PAX5: variants seen among roughly 807,000 people sequenced by gnomAD.
The protein encoded by PAX5 is paired box protein Pax-5.
A neutral mutation model predicts 43.7 loss-of-function variants in PAX5; 9 were observed. That is an observed-to-expected ratio of 0.21 (90% confidence interval 0.12 to 0.36). The LOEUF is 0.36. Among genes scored for constraint, PAX5 ranks in the 10% least tolerant of loss-of-function variants. PAX5 has a pLI of 1.00. For missense variants in PAX5, 383 were observed against 532.7 expected, an observed-to-expected ratio of 0.72 and a Z score of 2.77; for synonymous variants, 228 against 214.3, an observed-to-expected ratio of 1.06 and a Z score of -0.56.
rs575612887 is a variant in PAX5 at position 37,022,066 on chromosome 9, C to CA, written c.47-1266dup. On this transcript the variant is annotated intron_variant, in intron 1 of 9. Transcript: ENST00000358127. ...TGAACCTCATCTGAAATAAAGGGAG[C>CA]AAAAACCCCCATAATATAATGTATT... is the stretch of plus-strand genomic sequence containing the variant. Among the ~76,000 whole-genome samples the CA allele has an allele frequency of 2.4e-4, 36 of 152,220 alleles. 1 individual carries two copies. The South Asian group carries it at 7.3e-3, about 31-fold the overall frequency.
intron 4 of PAX5, 101 bp from the exon 5 acceptor site, chr9:37,002,877 G>C (rs911883844): frequency 7.2e-7 from 1 of 1,379,408 alleles, no homozygotes; most frequent in Admixed American, 2.3e-5. Context: ...GGGAGCGAGC[G>C]CAGGGTGGGC....
chr9:36,963,006 C>G (rs950527498), intron 6 of PAX5, among the ~76,000 whole-genome samples: 1 of 152,240 alleles, frequency 6.6e-6, no homozygotes, highest in South Asian at 2.1e-4. Context: ...CCCTTCCCAG[C>G]CTGCGGCCCC....
At chr9:36,956,077 C>T (rs1833451433) in intron 6 of PAX5, among the ~76,000 whole-genome samples, 1 of 151,914 alleles carries the variant, frequency 6.6e-6, no homozygotes, top group Admixed American at 6.6e-5. Flanking sequence ...TTTTGAATTG[C>T]AAATATTGGA....
At chr9:36,850,045 C>A (rs1338803897) in intron 8 of PAX5, among the ~76,000 whole-genome samples, 2 of 152,186 alleles carry the variant, frequency 1.3e-5, no homozygotes, top group African/African-American at 2.4e-5. Flanking sequence ...ACCACGTGAA[C>A]CAGGACTTGA....
Position 36,966,570 on chromosome 9 carries a change from T to C in PAX5, c.759A>G (p.Thr253=). 3 of 1,614,116 alleles carry C rather than the reference T, an allele frequency of 1.9e-6. No homozygotes were observed. The highest frequency in any genetic ancestry group is 1.6e-4 in the Middle Eastern group (1 of 6,062). The change falls in exon 6 of 10, where the codon ACA becomes ACG. Residue 253 remains threonine, a synonymous_variant. Coordinates refer to ENST00000358127, the MANE Select transcript of PAX5 (RefSeq NM_016734.3). ...GTACCTGCTCGGGCTTGATGGGCTCTGTGGTGGTGAAGATGTCTGAGTAGT... is the reference window on the plus strand; with the variant it reads ...GTACCTGCTCGGGCTTGATGGGCTCCGTGGTGGTGAAGATGTCTGAGTAGT... ...RQHYSDIFTT[T]EPIKPEQTTE...
chr9:37,013,229 C>T (rs921200950), intron 3 of PAX5, among the ~76,000 whole-genome samples: 4 of 152,310 alleles, frequency 2.6e-5, no homozygotes, highest in Admixed American at 1.3e-4. Flanking sequence ...TGGCAGCATT[C>T]GGCTGGAGCT....
intron 6 of PAX5, among the ~76,000 whole-genome samples, chr9:36,957,101 A>T (rs543589791): frequency 1.3e-5 from 2 of 152,344 alleles, no homozygotes; most frequent in South Asian, 4.1e-4. Context: ...ACAAGCAGTT[A>T]GCTGTGCTCG....
chr9:36,967,302 T>A (rs1328339792), intron 5 of PAX5, among the ~76,000 whole-genome samples: 1 of 152,246 alleles, frequency 6.6e-6, no homozygotes, highest in Admixed American at 6.5e-5. Flanking sequence ...TCGACAAATC[T>A]ATCAAAGCCA....
intron 7 of PAX5, among the ~76,000 whole-genome samples, chr9:36,916,271 T>C (rs980346498): frequency 1.3e-5 from 2 of 152,198 alleles, no homozygotes; most frequent in Admixed American, 1.3e-4. Flanking sequence ...CAAGTATATT[T>C]GGACCTATTT....
chr9:36,887,173 C>T (rs1025293390), intron 7 of PAX5, among the ~76,000 whole-genome samples: 2 of 152,172 alleles, frequency 1.3e-5, no homozygotes, highest in South Asian at 4.1e-4. Flanking sequence ...TGTTTCCCCT[C>T]GAGGGGACTA....
At chr9:36,984,791 G>A (rs1319277241) in intron 5 of PAX5, among the ~76,000 whole-genome samples, 1 of 152,016 alleles carries the variant, frequency 6.6e-6, no homozygotes, top group Non-Finnish European at 1.5e-5. Context: ...AACAGTATTG[G>A]TACATACACA....
chr9:36,854,039 A>G (rs759039947), intron 8 of PAX5, among the ~76,000 whole-genome samples: 10 of 152,260 alleles, frequency 6.6e-5, no homozygotes, highest in Non-Finnish European at 1.2e-4. Flanking sequence ...TAACATATGG[A>G]AAGTCTTTCA....
chr9:36,926,339 A>G (rs1337354717), intron 6 of PAX5, among the ~76,000 whole-genome samples: 1 of 152,250 alleles, frequency 6.6e-6, no homozygotes, highest in African/African-American at 2.4e-5. Flanking sequence ...CATAGAAAGG[A>G]TAAGTCCTGT....
chr9:37,032,617 G>C (rs1841094225), intron 1 of PAX5, among the ~76,000 whole-genome samples: 1 of 152,154 alleles, frequency 6.6e-6, no homozygotes, highest in Non-Finnish European at 1.5e-5. Flanking sequence ...TATCCTTTTT[G>C]CTCTTAGGCT....
At chr9:36,925,925 C>A (rs1441189343) in intron 6 of PAX5, among the ~76,000 whole-genome samples, 1 of 152,118 alleles carries the variant, frequency 6.6e-6, no homozygotes, top group Middle Eastern at 3.2e-3. Context: ...TTCTGCTGGC[C>A]CCGCCAAGTG....
chr9:36,963,370 C>T lies in PAX5; in HGVS notation c.780+3179G>A, dbSNP rs753078942. ...TCTCCATGAGCCCATGGGACCTGTCCTTCAAGCCCCCCATCCAACACTGCC... is the reference window on the plus strand; with the variant it reads ...TCTCCATGAGCCCATGGGACCTGTCTTTCAAGCCCCCCATCCAACACTGCC... On this transcript the variant is annotated intron_variant, in intron 6 of 9. Transcript: ENST00000358127. Among the ~76,000 whole-genome samples, 41 of 152,298 alleles carry T rather than the reference C, an allele frequency of 2.7e-4. 1 individual carries two copies. Among genetic ancestry groups the T allele is most frequent in the Admixed American group, 2.2e-3 (33 of 15,302 alleles).
In PAX5 at chr9:36,835,702, G is replaced by T. The variant is rs1587707432; in HGVS notation, c.*4858C>A. 11 of 233,296 alleles carry T rather than the reference G, an allele frequency of 4.7e-5. No homozygotes were observed. The East Asian group carries it at 6.6e-4, about 14-fold the overall frequency. 14.5% of individuals were successfully genotyped at this position (233,296 alleles called of 1,614,324 possible). On this transcript the variant is annotated 3_prime_UTR_variant, in exon 10 of 10. Coordinates refer to ENST00000358127, the MANE Select transcript of PAX5 (RefSeq NM_016734.3). ...CCTCTCCGAGGCCAAAAGAACGAAA[G>T]AAATAGTTTCCCCAGGAGAGCTGGT...
intron 7 of PAX5, among the ~76,000 whole-genome samples, chr9:36,903,464 T>C (rs1828565651): frequency 6.6e-6 from 1 of 151,794 alleles, no homozygotes; most frequent in South Asian, 2.1e-4. Context: ...AGGTGGGGAG[T>C]TTCTTGAAGC....
At chr9:37,026,493 C>A in intron 1 of PAX5, 1 of 1,316,454 alleles carries the variant, frequency 7.6e-7, no homozygotes, top group South Asian at 1.2e-5. Context: ...AACCCGGTCC[C>A]GGCGGGAGAG....
Sources: gnomAD v4.1 joint callset for allele counts (sites outside exome capture counted in the v4.1 genomes callset) on GRCh38, gnomAD v4.1.1 for gene constraint, MANE v1.5 for transcripts, NCBI Gene and HGNC (gene_info 2026-07-23, HGNC 2026-07-21) for gene names.